The following ADAMTSL3 variants were observed in gnomAD, a reference collection of about 807,000 sequenced individuals.
ADAMTSL3 encodes the protein ADAMTS-like protein 3.
In ADAMTSL3, 128 loss-of-function variants were observed where a neutral mutation model predicts 201.7. The ratio of observed to expected loss-of-function variants is 0.63; its 90% CI spans 0.55 to 0.73. ADAMTSL3 has a LOEUF of 0.73. Ranked by LOEUF, ADAMTSL3 falls within the 30% of genes least tolerant of loss-of-function variation. The pLI is 0.00. For synonymous variants in ADAMTSL3, 738 were observed against 748.4 expected (o/e 0.99, Z 0.23); for missense variants, 1,990 against 2,119.6 (o/e 0.94, Z 1.20).
At chr15:83,955,983 T>A (rs1367245334) in intron 19 of ADAMTSL3, among the ~76,000 whole-genome samples, 3 of 152,074 alleles carry the variant, frequency 2.0e-5, no homozygotes, top group Non-Finnish European at 4.4e-5. Context: ...CAGAACACCA[T>A]CAGACTTGCC....
At chr15:83,773,438 G>T in intron 3 of ADAMTSL3, 85 bp from the exon 4 acceptor site, 1 of 1,454,874 alleles carries the variant, frequency 6.9e-7, no homozygotes, top group South Asian at 1.2e-5. Context: ...TGGAATAACT[G>T]GGGAAGATTT....
intron 15 of ADAMTSL3, among the ~76,000 whole-genome samples, chr15:83,901,447 C>A (rs12898254): frequency 0.14 from 21,021 of 152,066 alleles, 1,883 homozygotes; most frequent in Middle Eastern, 0.33. Context: ...GAAAAGCCTA[C>A]TTTGATTAAC....
intron 3 of ADAMTSL3, among the ~76,000 whole-genome samples, chr15:83,712,770 A>G (rs1374102435): frequency 1.3e-5 from 2 of 152,194 alleles, no homozygotes; most frequent in Non-Finnish European, 2.9e-5. Flanking sequence ...TGCAAGCTTC[A>G]GTCTAACCCT....
At chr15:83,732,067 G>T (rs1456007764) in intron 3 of ADAMTSL3, among the ~76,000 whole-genome samples, 1 of 152,056 alleles carries the variant, frequency 6.6e-6, no homozygotes, top group Admixed American at 6.6e-5. Context: ...AACCATGTGA[G>T]GAGATGGATA....
At chr15:83,921,616 G>A (rs1230495919) in intron 16 of ADAMTSL3, among the ~76,000 whole-genome samples, 1 of 152,118 alleles carries the variant, frequency 6.6e-6, no homozygotes, top group Non-Finnish European at 1.5e-5. Flanking sequence ...TTATATATTG[G>A]CTCTGCTGCT....
At chr15:83,915,587 A>G (rs866684998) in intron 16 of ADAMTSL3, among the ~76,000 whole-genome samples, 1 of 152,058 alleles carries the variant, frequency 6.6e-6, no homozygotes, top group Non-Finnish European at 1.5e-5. Flanking sequence ...AGTGGTTTCT[A>G]GTTACAAAGT....
chr15:84,011,842 T>C (rs4297647), intron 23 of ADAMTSL3, among the ~76,000 whole-genome samples: 54,226 of 152,070 alleles, frequency 0.36, 9,766 homozygotes, highest in Middle Eastern at 0.47. Context: ...TCTTGTTTAC[T>C]GCAACAACAA....
chr15:83,926,690 G>A (rs1238621772), intron 17 of ADAMTSL3, among the ~76,000 whole-genome samples: 2 of 148,618 alleles, frequency 1.3e-5, no homozygotes, highest in East Asian at 2.0e-4. Flanking sequence ...CTTATGGCTC[G>A]CTGCAACTTC....
At chr15:83,713,514 T>C (rs1356693376) in intron 3 of ADAMTSL3, among the ~76,000 whole-genome samples, 1 of 152,078 alleles carries the variant, frequency 6.6e-6, no homozygotes. Context: ...GATGGGAACA[T>C]CTTTTTTTTT....
At chr15:84,034,849 A>G (rs1019226087) in intron 28 of ADAMTSL3, among the ~76,000 whole-genome samples, 4 of 152,156 alleles carry the variant, frequency 2.6e-5, no homozygotes, top group African/African-American at 9.7e-5. Flanking sequence ...GAAAAAAGCT[A>G]GTAGAAACAG....
chr15:83,820,413 G>C (rs1322254653), intron 6 of ADAMTSL3, among the ~76,000 whole-genome samples: 1 of 152,170 alleles, frequency 6.6e-6, no homozygotes, highest in Non-Finnish European at 1.5e-5. Flanking sequence ...ACAAGCATCA[G>C]AGTCACCTGG....
chr15:83,860,915 A>G (rs141075988), intron 8 of ADAMTSL3, among the ~76,000 whole-genome samples: 2 of 152,304 alleles, frequency 1.3e-5, no homozygotes, highest in East Asian at 3.9e-4. Context: ...TCCCTTTCCT[A>G]GTCAAAGAAA....
At chr15:83,881,894 C>T (rs150786102) in intron 9 of ADAMTSL3, among the ~76,000 whole-genome samples, 3,899 of 149,880 alleles carry the variant, frequency 0.026, 177 homozygotes, top group African/African-American at 0.087. Context: ...TGGCTCACGC[C>T]TGTAATCCCA....
At chr15:83,937,556 G>A (rs981823218) in intron 17 of ADAMTSL3, among the ~76,000 whole-genome samples, 5 of 150,670 alleles carry the variant, frequency 3.3e-5, no homozygotes, top group Admixed American at 2.6e-4. Flanking sequence ...TACCTACCAG[G>A]TACTATGCTT....
At chr15:83,907,786 G>A (rs2141944977) in intron 15 of ADAMTSL3, among the ~76,000 whole-genome samples, 1 of 152,290 alleles carries the variant, frequency 6.6e-6, no homozygotes. Flanking sequence ...CTGTAGGTGA[G>A]AACTTAGGTT....
At chr15:83,903,917 C>CAAAAAAAAAAAAAAAAAAAAAAAA (rs1168502648) in intron 15 of ADAMTSL3, among the ~76,000 whole-genome samples, 6 of 19,276 alleles carry the variant, frequency 3.1e-4, no homozygotes, top group South Asian at 2.8e-3. Flanking sequence ...GACTCCACAT[C>CAAAAAAAAAAAAAAAAAAAAAAAA]AAAAAAAAAA....
intron 2 of ADAMTSL3, among the ~76,000 whole-genome samples, chr15:83,659,844 G>A (rs781547309): frequency 6.6e-6 from 1 of 152,168 alleles, no homozygotes; most frequent in Non-Finnish European, 1.5e-5. Flanking sequence ...AGGAGCTAAC[G>A]CATGCCAGCA....
chr15:83,831,712 G>C (rs375433258), intron 6 of ADAMTSL3, among the ~76,000 whole-genome samples: 1 of 152,210 alleles, frequency 6.6e-6, no homozygotes, highest in South Asian at 2.1e-4. Context: ...TTCTTCCGTA[G>C]AAATCCTTCC....
intron 6 of ADAMTSL3, among the ~76,000 whole-genome samples, chr15:83,832,820 C>T (rs2064184350): frequency 6.6e-6 from 1 of 152,130 alleles, no homozygotes. Context: ...TTAACCTGAG[C>T]ACAGCAGACA....
Sources: gnomAD v4.1 joint callset for allele counts (sites outside exome capture counted in the v4.1 genomes callset) on GRCh38, gnomAD v4.1.1 for gene constraint, MANE v1.5 for transcripts, NCBI Gene and HGNC (gene_info 2026-07-23, HGNC 2026-07-21) for gene names.